The following HYDIN variants were observed in gnomAD, a reference collection of about 807,000 sequenced individuals.
HYDIN encodes the protein axonemal central pair apparatus protein HYDIN.
In HYDIN, 132 loss-of-function variants were observed where a neutral mutation model predicts 403.9. The ratio of observed to expected loss-of-function variants is 0.33; its 90% CI spans 0.28 to 0.38. HYDIN has a LOEUF of 0.38. HYDIN is among the 10% of genes least tolerant of loss of function. The probability of loss-of-function intolerance (pLI) is 1.00; values close to 1 mark genes in which losing one functional copy is unlikely to be tolerated. For synonymous variants in HYDIN, 1,202 were observed against 1,891.7 expected (o/e 0.64, Z 9.46); for missense variants, 2,827 against 5,009.5 (o/e 0.56, Z 13.15).
intron 83 of HYDIN, among the ~76,000 whole-genome samples, chr16:70,821,919 A>T (rs1299155028): frequency 6.6e-6 from 1 of 152,090 alleles, no homozygotes; most frequent in African/African-American, 2.4e-5. Context: ...CAGAAAATAG[A>T]TTTCTTTCAA....
intron 58 of HYDIN, among the ~76,000 whole-genome samples, chr16:70,887,185 A>C (rs1291217091): frequency 1.3e-5 from 2 of 152,220 alleles, no homozygotes; most frequent in Non-Finnish European, 2.9e-5. Context: ...CCTCCGAAAG[A>C]TGTCCACATC....
chr16:70,956,035 G>A (rs1454028487), intron 39 of HYDIN, among the ~76,000 whole-genome samples: 6 of 152,050 alleles, frequency 3.9e-5, no homozygotes, highest in Admixed American at 1.3e-4. Context: ...GGCCAGGCTG[G>A]TCTCGAACTC....
In HYDIN at chr16:71,230,681, T is replaced by C; in HGVS notation, c.-143A>G. The C allele has an allele frequency of 2.6e-6, 4 of 1,535,940 alleles. No homozygotes were observed. Among genetic ancestry groups the C allele is most frequent in the Non-Finnish European group, 3.5e-6 (4 of 1,146,828 alleles). ...ATACCCAGCTTGAAGCCGCCCGCAC[T>C]CTCCATGCGCCGCCCGAGCTGTTGC... On this transcript the variant is annotated 5_prime_UTR_variant, in exon 1 of 86. Transcript: ENST00000393567.
chr16:70,938,453 C>G (rs1024654234), intron 44 of HYDIN, among the ~76,000 whole-genome samples, 161 bp downstream of exon 44: 4 of 152,220 alleles, frequency 2.6e-5, no homozygotes, highest in Non-Finnish European at 5.9e-5. Context: ...CCTTGATGGG[C>G]GGGATGCATC....
chr16:70,942,015 T>C (rs2077692776), intron 42 of HYDIN, among the ~76,000 whole-genome samples, 196 bp from the exon 43 acceptor site: 2 of 139,090 alleles, frequency 1.4e-5, no homozygotes, highest in East Asian at 2.0e-4. Flanking sequence ...GCCAGTCTTT[T>C]TTTTTTTTTT....
chr16:71,183,275 T>A (rs907343163), intron 3 of HYDIN, among the ~76,000 whole-genome samples: 9 of 151,808 alleles, frequency 5.9e-5, no homozygotes, highest in African/African-American at 1.9e-4. Context: ...GCCTAATGAA[T>A]GTAATGACAA....
At position 70,955,473 on chromosome 16, in the gene HYDIN, T is replaced by C; in HGVS notation, c.6218A>G (p.Glu2073Gly). 7 of 1,612,288 alleles carry C rather than the reference T, an allele frequency of 4.3e-6. No homozygotes were observed. The highest frequency in any genetic ancestry group is 5.9e-6 in the Non-Finnish European group (7 of 1,178,450). Reference protein sequence around the residue: ...ACLSIDSIVLEAVANSNNIPG... With the variant: ...ACLSIDSIVLGAVANSNNIPG... ...GATGTTGTTGCTGTTGGCCACAGCT[T>C]CCAGCACAATGGAGTCGATGCTCAG... The change falls in exon 40 of 86, where the codon GAA becomes GGA. Residue 2073 changes from glutamate (E) to glycine (G), a missense_variant. By Grantham distance (98) the Glu-to-Gly change is moderately conservative (BLOSUM62 -2). Transcript: ENST00000393567.
chr16:70,938,891 T>TG (rs1218113468), intron 43 of HYDIN, 136 bp from the exon 44 acceptor site: 37 of 649,052 alleles, frequency 5.7e-5, no homozygotes, highest in South Asian at 1.5e-4. Context: ...ATTGCAGGGG[T>TG]GGGGGGGTCC....
intron 43 of HYDIN, among the ~76,000 whole-genome samples, chr16:70,940,415 G>A (rs986730612): frequency 6.6e-6 from 1 of 152,000 alleles, no homozygotes; most frequent in Non-Finnish European, 1.5e-5. Context: ...AAGCGATCAT[G>A]TAAAGTGCTT....
chr16:71,043,077 T>C (rs926061469), intron 18 of HYDIN, among the ~76,000 whole-genome samples: 2 of 151,876 alleles, frequency 1.3e-5, no homozygotes, highest in African/African-American at 4.8e-5. Flanking sequence ...GGCTAGATGA[T>C]GAATTTAAGA....
chr16:71,086,091 C>T (rs1568131024), intron 12 of HYDIN, among the ~76,000 whole-genome samples: 1 of 151,792 alleles, frequency 6.6e-6, no homozygotes, highest in Non-Finnish European at 1.5e-5. Context: ...CCATTACTGC[C>T]TTTCTTTGTG....
intron 27 of HYDIN, among the ~76,000 whole-genome samples, chr16:70,985,788 A>T (rs953237114): frequency 6.6e-6 from 1 of 151,862 alleles, no homozygotes; most frequent in African/African-American, 2.4e-5. Flanking sequence ...AAAAATGATG[A>T]GTTCATGTCT....
At chr16:71,175,439 A>T (rs2086631996) in intron 5 of HYDIN, among the ~76,000 whole-genome samples, 168 bp downstream of exon 5, 2 of 151,614 alleles carry the variant, frequency 1.3e-5, no homozygotes. Flanking sequence ...CTCCAGCACT[A>T]CCACCAATAC....
intron 77 of HYDIN, among the ~76,000 whole-genome samples, chr16:70,836,688 C>T (rs1214056908): frequency 2.6e-5 from 4 of 152,188 alleles, no homozygotes; most frequent in African/African-American, 9.7e-5. Context: ...CACTAAATTG[C>T]ACCCCTCCAC....
chr16:71,062,573 C>G (rs1307006808), intron 16 of HYDIN: 2 of 424,682 alleles, frequency 4.7e-6, no homozygotes, highest in Non-Finnish European at 8.4e-6. Flanking sequence ...ATCCGCAACT[C>G]AAATAAGTTC....
intron 15 of HYDIN, chr16:71,066,580 T>C (rs1435568098): frequency 4.7e-6 from 1 of 213,402 alleles, no homozygotes; most frequent in Non-Finnish European, 9.6e-6. Flanking sequence ...TGGACACTGA[T>C]TGCTTTGGGA....
intron 1 of HYDIN, among the ~76,000 whole-genome samples, chr16:71,223,046 A>G (rs1346500876): frequency 6.6e-6 from 1 of 152,242 alleles, no homozygotes; most frequent in Non-Finnish European, 1.5e-5. Context: ...ACAAATCTAG[A>G]GGCATCACAT....
At chr16:71,007,839 C>T (rs1246649194) in intron 23 of HYDIN, among the ~76,000 whole-genome samples, 1 of 151,362 alleles carries the variant, frequency 6.6e-6, no homozygotes, top group Non-Finnish European at 1.5e-5. Flanking sequence ...ACCAAAAAGA[C>T]ACATGCACAC....
intron 10 of HYDIN, among the ~76,000 whole-genome samples, chr16:71,106,601 G>A (rs969028773): frequency 3.3e-5 from 5 of 152,156 alleles, no homozygotes; most frequent in African/African-American, 4.8e-5. Context: ...GGAGACGTGG[G>A]TTAAATCTCA....
Sources: gnomAD v4.1 joint callset for allele counts (sites outside exome capture counted in the v4.1 genomes callset) on GRCh38, gnomAD v4.1.1 for gene constraint, MANE v1.5 for transcripts, NCBI Gene and HGNC (gene_info 2026-07-23, HGNC 2026-07-21) for gene names.